The following SNX2 variants were observed in gnomAD, a reference collection of about 807,000 sequenced individuals.
SNX2 encodes sorting nexin-2.
SNX2 carries 25 observed loss-of-function variants against 69.9 expected under a neutral mutation model. The observed-to-expected ratio is 0.36, with a 90% confidence interval of 0.26 to 0.50. The LOEUF is 0.50. SNX2 is among the 20% of genes least tolerant of loss of function. The pLI is 0.97. For synonymous variants in SNX2, 229 were observed against 200.4 expected (o/e 1.14, Z -1.20); for missense variants, 551 against 613.3 (o/e 0.90, Z 1.07).
chr5:122,824,682 T>TA (rs1754114186), intron 11 of SNX2, among the ~76,000 whole-genome samples: 2 of 152,236 alleles, frequency 1.3e-5, no homozygotes, highest in Admixed American at 1.3e-4. Flanking sequence ...TTGGATTTTT[T>TA]AATGCTATTA....
intron 1 of SNX2, among the ~76,000 whole-genome samples, chr5:122,784,740 A>G (rs1753044961): frequency 6.6e-6 from 1 of 152,138 alleles, no homozygotes; most frequent in Admixed American, 6.5e-5. Flanking sequence ...GAGAAATGCT[A>G]GCTTCGTTAA....
chr5:122,785,340 G>A (rs1753062959), intron 1 of SNX2, among the ~76,000 whole-genome samples: 1 of 151,458 alleles, frequency 6.6e-6, no homozygotes, highest in African/African-American at 2.4e-5. Flanking sequence ...GAGACAGGGA[G>A]TCACACTATG....
intron 1 of SNX2, among the ~76,000 whole-genome samples, chr5:122,784,079 G>A (rs894521599): frequency 2.0e-5 from 3 of 151,764 alleles, no homozygotes; most frequent in African/African-American, 7.3e-5. Flanking sequence ...GTTGCATGTT[G>A]ACCCTGTATG....
At chr5:122,782,354 TC>T (rs1350955224) in intron 1 of SNX2, among the ~76,000 whole-genome samples, 1 of 151,994 alleles carries the variant, frequency 6.6e-6, no homozygotes, top group African/African-American at 2.4e-5. Context: ...TTCTCCTGCC[TC>T]GGCCTCCTGA....
chr5:122,827,507 G>T, intron 13 of SNX2, 48 bp downstream of exon 13: 1 of 1,603,486 alleles, frequency 6.2e-7, no homozygotes, highest in Non-Finnish European at 8.5e-7. Flanking sequence ...GTCACATTTT[G>T]CTGCAATTTT....
chr5:122,818,868 A>G lies in SNX2; in HGVS notation c.1057A>G (p.Asn353Asp). Residue 353 changes from asparagine (N) to aspartate (D), a missense_variant, in exon 11 of 15, where the codon AAT becomes GAT. Physicochemically the swap from Asn to Asp is conservative, Grantham distance 23. Around this residue, in one of 2 missense-constraint regions of SNX2, gnomAD observed 360 missense variants for 450.4 expected, o/e 0.80. Coordinates refer to ENST00000379516, the MANE Select transcript of SNX2 (RefSeq NM_003100.4). ...AFAKSAAMLG[N>D]SEDHTALSRA... ...TGCTAAAAGTGCTGCCATGTTAGGT[A>G]ATTCTGAGGATCATACTGCTTTATC... 2 of 1,614,006 alleles carry G rather than the reference A, an allele frequency of 1.2e-6. No homozygotes were observed. The highest frequency in any genetic ancestry group is 1.7e-6 in the Non-Finnish European group (2 of 1,179,912).
intron 7 of SNX2, among the ~76,000 whole-genome samples, chr5:122,813,382 CTTTAT>C (rs1183893839): frequency 2.0e-5 from 3 of 151,832 alleles, no homozygotes; most frequent in African/African-American, 7.3e-5. Context: ...TATGTATTAG[CTTTAT>C]TTTATGTTGC....
At chr5:122,826,215 C>G (rs745378658) in intron 12 of SNX2, 22 bp downstream of exon 12, 1 of 1,592,300 alleles carries the variant, frequency 6.3e-7, no homozygotes, top group Middle Eastern at 1.9e-4. Context: ...ATGCTTTAAT[C>G]TCTTTACTTA....
chr5:122,808,832 GT>G (rs1236203068), intron 7 of SNX2: 2 of 152,402 alleles, frequency 1.3e-5, no homozygotes, highest in East Asian at 3.8e-4. Context: ...GTGTTGGATA[GT>G]ATAGCTAATT....
At chr5:122,812,198 CA>C (rs1386442217) in intron 7 of SNX2, among the ~76,000 whole-genome samples, 39 of 152,168 alleles carry the variant, frequency 2.6e-4, no homozygotes, top group Non-Finnish European at 4.7e-4. Flanking sequence ...AACCCCTCCC[CA>C]CGCTGGCCCC....
At chr5:122,814,250 A>G (rs1472674305) in intron 7 of SNX2, among the ~76,000 whole-genome samples, 1 of 152,214 alleles carries the variant, frequency 6.6e-6, no homozygotes, top group Non-Finnish European at 1.5e-5. Context: ...ATTGTGAGAG[A>G]ACTTCAGTGT....
At chr5:122,805,670 G>C (rs2150009865) in intron 6 of SNX2, among the ~76,000 whole-genome samples, 1 of 152,088 alleles carries the variant, frequency 6.6e-6, no homozygotes, top group South Asian at 2.1e-4. Flanking sequence ...TATAGGGACG[G>C]TTCAATCCAA....
At chr5:122,785,340 G>C in intron 1 of SNX2, among the ~76,000 whole-genome samples, 1 of 151,458 alleles carries the variant, frequency 6.6e-6, no homozygotes, top group Admixed American at 6.6e-5. Context: ...GAGACAGGGA[G>C]TCACACTATG....
intron 10 of SNX2, 96 bp from the exon 11 acceptor site, chr5:122,818,722 C>A (rs2150015182): frequency 1.1e-6 from 1 of 937,786 alleles, no homozygotes; most frequent in Non-Finnish European, 1.6e-6. Flanking sequence ...GCAACTTGTG[C>A]ATAAGTAAAA....
At chr5:122,792,197 G>T (rs573017452) in intron 1 of SNX2, among the ~76,000 whole-genome samples, 161 of 152,324 alleles carry the variant, frequency 1.1e-3, no homozygotes, top group African/African-American at 3.8e-3. Flanking sequence ...ACTTTTGAAT[G>T]TTCTAAAGAG....
chr5:122,782,337 C>T (rs1239058420), intron 1 of SNX2, among the ~76,000 whole-genome samples: 3 of 152,044 alleles, frequency 2.0e-5, no homozygotes, highest in Middle Eastern at 3.4e-3. Flanking sequence ...CTCCCGGGTT[C>T]AAAAGATTCT....
chr5:122,784,992 G>A (rs1581624105), intron 1 of SNX2, among the ~76,000 whole-genome samples: 1 of 152,140 alleles, frequency 6.6e-6, no homozygotes, highest in South Asian at 2.1e-4. Flanking sequence ...TGAAATTTAT[G>A]GGCATACTGT....
intron 11 of SNX2, among the ~76,000 whole-genome samples, chr5:122,821,346 C>T (rs1754015785): frequency 6.6e-6 from 1 of 152,142 alleles, no homozygotes; most frequent in African/African-American, 2.4e-5. Context: ...CCCCTTCTCT[C>T]CCTCCCTTCC....
intron 1 of SNX2, among the ~76,000 whole-genome samples, chr5:122,794,859 T>TAAAG (rs1334957759): frequency 2.0e-5 from 3 of 151,458 alleles, no homozygotes; most frequent in Non-Finnish European, 4.4e-5. Context: ...CTACAAAAAA[T>TAAAG]AAATAAATAA....
Sources: allele counts gnomAD v4.1 joint callset (sites outside exome capture counted in the v4.1 genomes callset), GRCh38; gene constraint gnomAD v4.1.1; regional missense constraint gnomAD v4.1.1; transcripts MANE v1.5; gene names NCBI Gene and HGNC (gene_info 2026-07-23, HGNC 2026-07-21).